The following AEBP2 variants were observed in gnomAD, a reference collection of about 807,000 sequenced individuals.
AEBP2 encodes zinc finger protein AEBP2.
A neutral mutation model predicts 50.8 loss-of-function variants in AEBP2; 10 were observed. The observed-to-expected ratio is 0.20, with a 90% CI of 0.12 to 0.33. AEBP2 has a LOEUF of 0.33. Among genes scored for constraint, AEBP2 ranks in the 10% least tolerant of loss-of-function variants. The probability of loss-of-function intolerance (pLI) is 1.00; values close to 1 mark genes in which losing one functional copy is unlikely to be tolerated. For synonymous variants in AEBP2, 296 were observed against 261.3 expected (o/e 1.13, Z -1.28); for missense variants, 570 against 688.0 (o/e 0.83, Z 1.92).
intron 1 of AEBP2, among the ~76,000 whole-genome samples, chr12:19,460,459 A>G (rs184535088): frequency 8.6e-4 from 130 of 152,042 alleles, no homozygotes; most frequent in African/African-American, 2.9e-3. Context: ...GGTTCAAGCA[A>G]TTCTCTGTCT....
At chr12:19,406,670 A>AAC (rs1433471727) in intron 1 of AEBP2, among the ~76,000 whole-genome samples, 11 of 51,394 alleles carry the variant, frequency 2.1e-4, no homozygotes, top group Admixed American at 1.3e-3. Context: ...AGCAAGAGCG[A>AAC]AACTCTGTCT....
intron 5 of AEBP2, among the ~76,000 whole-genome samples, chr12:19,505,237 G>C (rs952988392): frequency 3.9e-5 from 6 of 152,148 alleles, no homozygotes; most frequent in African/African-American, 1.4e-4. Context: ...CTGTAATACA[G>C]ATTTTTTTTG....
chr12:19,423,327 T>C (rs1165466915), intron 1 of AEBP2, among the ~76,000 whole-genome samples: 1 of 152,142 alleles, frequency 6.6e-6, no homozygotes, highest in Non-Finnish European at 1.5e-5. Flanking sequence ...AAGCCTCTGC[T>C]GACAGATCTG....
chr12:19,410,758 C>G (rs2095738831), intron 1 of AEBP2, among the ~76,000 whole-genome samples: 2 of 152,094 alleles, frequency 1.3e-5, no homozygotes, highest in Non-Finnish European at 2.9e-5. Flanking sequence ...TGGAAATAAT[C>G]AGGATGGTTT....
chr12:19,433,255 G>T (rs2095752385), intron 1 of AEBP2, among the ~76,000 whole-genome samples: 1 of 151,704 alleles, frequency 6.6e-6, no homozygotes. Flanking sequence ...AGGTGTGGTG[G>T]CGCATGCCTG....
chr12:19,423,231 C>T (rs983836189), intron 1 of AEBP2, among the ~76,000 whole-genome samples: 2 of 152,004 alleles, frequency 1.3e-5, no homozygotes, highest in Admixed American at 6.6e-5. Flanking sequence ...TGCTAGAAAA[C>T]CCAGCAACCT....
At chr12:19,464,208 C>T (rs1446229645) in intron 2 of AEBP2, among the ~76,000 whole-genome samples, 1 of 152,178 alleles carries the variant, frequency 6.6e-6, no homozygotes, top group African/African-American at 2.4e-5. Flanking sequence ...ACTTTGGTAA[C>T]CCAGTCTTCT....
At chr12:19,484,123 A>G (rs1274048117) in intron 3 of AEBP2, among the ~76,000 whole-genome samples, 1 of 152,084 alleles carries the variant, frequency 6.6e-6, no homozygotes, top group Non-Finnish European at 1.5e-5. Flanking sequence ...TCTGTCGCCC[A>G]GGCTAGATGG....
intron 1 of AEBP2, among the ~76,000 whole-genome samples, chr12:19,462,121 T>C (rs1948389884): frequency 1.3e-5 from 2 of 152,172 alleles, no homozygotes; most frequent in African/African-American, 4.8e-5. Flanking sequence ...AAGATAATGC[T>C]TTGATTGTGA....
intron 7 of AEBP2, among the ~76,000 whole-genome samples, chr12:19,516,566 A>G (rs74064131): frequency 0.1 from 15,745 of 152,224 alleles, 1,275 homozygotes; most frequent in African/African-American, 0.22. Context: ...ACTTAAAACA[A>G]AATTTAAGCT....
intron 3 of AEBP2, among the ~76,000 whole-genome samples, chr12:19,481,494 CAG>C (rs936056812): frequency 2.0e-5 from 3 of 147,742 alleles, no homozygotes; most frequent in African/African-American, 7.5e-5. Flanking sequence ...TTTTGTGAGG[CAG>C]AGTCTTGTTC....
At chr12:19,448,203 T>G (rs7309303) in intron 1 of AEBP2, among the ~76,000 whole-genome samples, 69,231 of 152,000 alleles carry the variant, frequency 0.46, 16,862 homozygotes, top group Non-Finnish European at 0.57. Context: ...CACTGTGCCT[T>G]GCCAGAAGTC....
chr12:19,421,396 A>G (rs558816963), intron 1 of AEBP2, among the ~76,000 whole-genome samples: 1 of 148,624 alleles, frequency 6.7e-6, no homozygotes, highest in Non-Finnish European at 1.5e-5. Context: ...ATGGCATGAG[A>G]GGGCCCAGTA....
chr12:19,484,214 G>A (rs1253067883), intron 3 of AEBP2, among the ~76,000 whole-genome samples: 1 of 148,932 alleles, frequency 6.7e-6, no homozygotes, highest in African/African-American at 2.5e-5. Flanking sequence ...CTCTGGAGTA[G>A]CTGGGATTAC....
chr12:19,423,093 A>AAAAAAAAAAC (rs1565697035), intron 1 of AEBP2, among the ~76,000 whole-genome samples: 1 of 150,254 alleles, frequency 6.7e-6, no homozygotes, highest in East Asian at 2.0e-4. Flanking sequence ...AAAAAAAAAA[A>AAAAAAAAAAC]AGAACATCTG....
At chr12:19,479,954 T>G (rs532459652) in intron 3 of AEBP2, among the ~76,000 whole-genome samples, 1 of 152,170 alleles carries the variant, frequency 6.6e-6, no homozygotes, top group South Asian at 2.1e-4. Flanking sequence ...CTTTTAAATG[T>G]AGCATTTAGG....
Position 19,439,592 on chromosome 12 carries a change from A to C in AEBP2, c.-108A>C, listed in dbSNP as rs1947902428. ...CTCGCGGGCCCTCCTCCTGCTCTGC[A>C]GCGGCGTCGGCGGAGTTTTGGGCGT... On this transcript the variant is annotated 5_prime_UTR_variant, in exon 1 of 8. Coordinates refer to ENST00000266508, the MANE Select transcript of AEBP2 (RefSeq NM_153207.5). 84 of 1,394,204 alleles carry C rather than the reference A, an allele frequency of 6.0e-5. 1 individual carries two copies. In the South Asian group the frequency reaches 1.1e-3, roughly 19 times the overall value. 86.4% of individuals were successfully genotyped at this position (1,394,204 alleles called of 1,614,324 possible). A position where few individuals can be genotyped will look rare whatever the true frequency, so the allele number is the denominator to read the frequency against.
At chr12:19,448,558 C>T (rs533226423) in intron 1 of AEBP2, among the ~76,000 whole-genome samples, 29 of 151,972 alleles carry the variant, frequency 1.9e-4, no homozygotes, top group African/African-American at 6.0e-4. Context: ...CTCAGTATGT[C>T]GTAGCCTGTA....
chr12:19,484,634 A>G (rs1948780799), intron 3 of AEBP2, among the ~76,000 whole-genome samples: 1 of 152,084 alleles, frequency 6.6e-6, no homozygotes, highest in Admixed American at 6.6e-5. Flanking sequence ...TGGCCTCACA[A>G]AGTGCTGGGA....
Sources: allele counts gnomAD v4.1 joint callset (sites outside exome capture counted in the v4.1 genomes callset), GRCh38; gene constraint gnomAD v4.1.1; transcripts MANE v1.5; gene names NCBI Gene and HGNC (gene_info 2026-07-23, HGNC 2026-07-21).